Variants in FNDC1 observed in about 807,000 individuals in gnomAD.
FNDC1 encodes the protein fibronectin type III domain containing 1.
A neutral mutation model predicts 168.0 loss-of-function variants in FNDC1; 96 were observed. The ratio of observed to expected loss-of-function variants is 0.57; its 90% CI spans 0.48 to 0.68. The LOEUF is 0.68. Ranked by LOEUF, FNDC1 falls within the 30% of genes least tolerant of loss-of-function variation. The pLI is 0.00. For synonymous variants in FNDC1, 1,099 were observed against 1,025.9 expected (o/e 1.07, Z -1.36); for missense variants, 2,587 against 2,482.1 (o/e 1.04, Z -0.90).
chr6:159,189,646 C>A (rs1443395385), intron 1 of FNDC1, among the ~76,000 whole-genome samples: 1 of 152,182 alleles, frequency 6.6e-6, no homozygotes, highest in Non-Finnish European at 1.5e-5. Flanking sequence ...GAACTCTCAC[C>A]CCTCCTGGGC....
At chr6:159,231,191 A>C (rs1783075146) in intron 10 of FNDC1, among the ~76,000 whole-genome samples, 1 of 41,364 alleles carries the variant, frequency 2.4e-5, no homozygotes, top group Non-Finnish European at 1.1e-4. Context: ...CTGGCTAACA[A>C]GGTGAAACCC....
chr6:159,217,314 G>C (rs1440966956), intron 5 of FNDC1, among the ~76,000 whole-genome samples: 2 of 152,164 alleles, frequency 1.3e-5, no homozygotes, highest in Non-Finnish European at 2.9e-5. Flanking sequence ...CGGAAGCCCG[G>C]CGAGCCCACA....
At chr6:159,230,102 G>A in intron 10 of FNDC1, 99 bp downstream of exon 10, 1 of 1,080,106 alleles carries the variant, frequency 9.3e-7, no homozygotes, top group East Asian at 2.7e-5. Context: ...GAACTGCTCA[G>A]CAGATGATTT....
intron 4 of FNDC1, among the ~76,000 whole-genome samples, chr6:159,206,253 T>G (rs2114956597): frequency 6.6e-6 from 1 of 152,386 alleles, no homozygotes; most frequent in Non-Finnish European, 1.5e-5. Context: ...AAAGACTGCC[T>G]TCTTTCCAAG....
At chr6:159,182,391 C>G (rs1053687357) in intron 1 of FNDC1, among the ~76,000 whole-genome samples, 1 of 152,198 alleles carries the variant, frequency 6.6e-6, no homozygotes, top group Admixed American at 6.5e-5. Context: ...TATGTGTCCT[C>G]TTGGAATTCA....
intron 11 of FNDC1, among the ~76,000 whole-genome samples, chr6:159,235,866 A>G (rs73597204): frequency 4.6e-5 from 7 of 152,336 alleles, no homozygotes; most frequent in African/African-American, 2.4e-5. Flanking sequence ...AATTTTCTCT[A>G]TCCTTCCAAT....
chr6:159,218,734 G>A (rs1043985460), intron 5 of FNDC1: 4 of 152,250 alleles, frequency 2.6e-5, no homozygotes, highest in Non-Finnish European at 4.4e-5. Context: ...CGCGATCCCA[G>A]GGAGGCACCA....
At chr6:159,238,937 C>T (rs978010476) in intron 13 of FNDC1, among the ~76,000 whole-genome samples, 2 of 152,216 alleles carry the variant, frequency 1.3e-5, no homozygotes, top group African/African-American at 2.4e-5. Flanking sequence ...AAACTACAAC[C>T]TGTAGGTTGT....
chr6:159,189,872 T>C (rs409096), intron 1 of FNDC1, among the ~76,000 whole-genome samples: 39,485 of 152,150 alleles, frequency 0.26, 5,956 homozygotes, highest in East Asian at 0.62. Context: ...CAGATTGTCA[T>C]GCTGTTATGT....
At chr6:159,267,700 A>G in intron 21 of FNDC1, 104 bp from the exon 22 acceptor site, 2 of 1,175,756 alleles carry the variant, frequency 1.7e-6, no homozygotes, top group Non-Finnish European at 2.4e-6. Flanking sequence ...CAGTTTAAGT[A>G]ATATGCTGAA....
chr6:159,245,275 G>T (rs1158883100), intron 14 of FNDC1, among the ~76,000 whole-genome samples: 1 of 152,108 alleles, frequency 6.6e-6, no homozygotes, highest in Admixed American at 6.6e-5. Flanking sequence ...TGAGAAGTGG[G>T]TATTTATAAG....
intron 20 of FNDC1, 103 bp downstream of exon 20, chr6:159,265,107 C>T (rs1217191262): frequency 9.9e-7 from 1 of 1,005,326 alleles, no homozygotes; most frequent in Non-Finnish European, 1.5e-6. Context: ...GGACCATTTT[C>T]ACAATTTTCT....
rs774185558 is a variant in FNDC1, at chr6:159,226,473, C to T, written c.1073C>T (p.Ala358Val). 4.2e-5 allele frequency: 67 copies of T among 1,609,192 alleles called. No individual in the cohort carries two copies. The Middle Eastern group carries it at 6.6e-4, about 16-fold the overall frequency. ...TGTTTCTTTCCTTGTCATTTTGTAG[C>T]CCCTACCACAGCTCCTGAAAACTTG... ...TSVFQRTPES[A>V]PTTAPENLNV... The change falls in exon 9 of 23, where the codon GCC (alanine) becomes GTC (valine). Residue 358 changes from alanine to valine, a missense_variant and splice_region_variant. Transcript: ENST00000297267.
intron 1 of FNDC1, among the ~76,000 whole-genome samples, chr6:159,182,480 T>G (rs557291337): frequency 1.3e-4 from 20 of 152,308 alleles, no homozygotes; most frequent in Admixed American, 3.3e-4. Context: ...TGAATTCCAT[T>G]AATGCCATAC....
chr6:159,264,042 T>A (rs1439678347), intron 19 of FNDC1, among the ~76,000 whole-genome samples: 1 of 152,238 alleles, frequency 6.6e-6, no homozygotes, highest in Non-Finnish European at 1.5e-5. Context: ...TGGTGTTACT[T>A]GGGCTAAGAT....
rs544565112 is a variant in FNDC1 at position 159,255,977 on chromosome 6, G to A, written c.5066-546G>A. On this transcript the variant is annotated intron_variant, in intron 17 of 22. Coordinates refer to ENST00000297267, the MANE Select transcript of FNDC1 (RefSeq NM_032532.3). ...TAGAAAGAAGAGCTGCCTCACTGCT[G>A]TGATTAGACAGTGAGGGCAAGGGCA... is the stretch of plus-strand genomic sequence containing the variant. Among the ~76,000 whole-genome samples, 11 of 152,340 alleles carry A rather than the reference G, an allele frequency of 7.2e-5. No individual in the cohort carries two copies. The East Asian group carries it at 2.1e-3, about 29-fold the overall frequency.
chr6:159,184,854 G>A (rs1781959000), intron 1 of FNDC1, among the ~76,000 whole-genome samples: 1 of 152,074 alleles, frequency 6.6e-6, no homozygotes, highest in Non-Finnish European at 1.5e-5. Flanking sequence ...TCTGAAGAAT[G>A]TGCGAAAAAA....
rs937636442 is a variant in FNDC1 at position 159,231,980 on chromosome 6, C to T, written c.1468C>T (p.His490Tyr). 5.6e-6 allele frequency: 9 copies of T among 1,614,020 alleles called. No homozygotes were observed. Among genetic ancestry groups the T allele is most frequent in the Non-Finnish European group, 7.6e-6 (9 of 1,179,900 alleles). Residue 490 changes from histidine to tyrosine, a missense_variant, in exon 11 of 23, where the codon CAC (histidine) becomes TAC (tyrosine). Physicochemically the swap from His to Tyr is moderately conservative, Grantham distance 83 (BLOSUM62 2). Coordinates refer to ENST00000297267, the MANE Select transcript of FNDC1 (RefSeq NM_032532.3). ...PSPRAPASSQ[H>Y]PSVPASPQGR... Reference sequence around the variant, plus strand: ...TCCCAGAGCTCCAGCTTCCTCCCAACACCCCTCTGTGCCTGCTTCTCCCCA... The same window carrying T: ...TCCCAGAGCTCCAGCTTCCTCCCAATACCCCTCTGTGCCTGCTTCTCCCCA...
At chr6:159,210,870 CTCTT>C (rs1235059896) in intron 4 of FNDC1, among the ~76,000 whole-genome samples, 4 of 152,204 alleles carry the variant, frequency 2.6e-5, no homozygotes, top group Non-Finnish European at 4.4e-5. Flanking sequence ...TCCCTGCCCT[CTCTT>C]TCTTCTTCCT....
Sources: allele counts gnomAD v4.1 joint callset (sites outside exome capture counted in the v4.1 genomes callset), GRCh38; gene constraint gnomAD v4.1.1; transcripts MANE v1.5; gene names NCBI Gene and HGNC (gene_info 2026-07-23, HGNC 2026-07-21).